The following PRH1 variants were observed in gnomAD, a reference collection of about 807,000 sequenced individuals.
PRH1 encodes salivary acidic proline-rich phosphoprotein 1/2.
PRH1 carries 7 observed loss-of-function variants against 7.9 expected under a neutral mutation model. That is an observed-to-expected ratio of 0.89 (90% CI 0.50 to 1.67). The LOEUF (loss-of-function observed/expected upper bound fraction) is 1.67, where lower values mean the gene tolerates loss of function less well. PRH1 is among the 40% of genes most tolerant of loss of function. The probability of loss-of-function intolerance (pLI) is 0.00; values close to 1 mark genes in which losing one functional copy is unlikely to be tolerated. For missense variants in PRH1, 109 were observed against 223.6 expected, an observed-to-expected ratio of 0.49 and a Z score of 3.27; for synonymous variants, 45 against 80.8, an observed-to-expected ratio of 0.56 and a Z score of 2.38.
At chr12:11,111,069 A>G (rs1291745695) in intron 1 of PRH1, among the ~76,000 whole-genome samples, 2 of 152,238 alleles carry the variant, frequency 1.3e-5, no homozygotes, top group African/African-American at 2.4e-5. Flanking sequence ...GAATTACATA[A>G]TGGTAAAGGA....
chr12:11,072,252 T>G (rs77529670), intron 1 of PRH1, among the ~76,000 whole-genome samples: 1,678 of 119,718 alleles, frequency 0.014, no homozygotes, highest in South Asian at 0.042. Flanking sequence ...CTACCAAAGT[T>G]CCGGGATTGC....
chr12:11,133,402 C>G, intron 1 of PRH1: 1 of 1,613,890 alleles, frequency 6.2e-7, no homozygotes, highest in South Asian at 1.1e-5. Flanking sequence ...TCTTGTTTCC[C>G]AAAATCAGGA....
In PRH1 at chr12:11,091,115, C is replaced by CACACACACATATATATATATATATATAT. The variant is rs751016037; in HGVS notation, n.124-43928_124-43927insATATATATATATATATATATGTGTGTGT. Among the ~76,000 whole-genome samples, 27 of 25,122 alleles carry CACACACACATATATATATATATATATAT rather than the reference C, an allele frequency of 1.1e-3. 2 individuals carry two copies. Among genetic ancestry groups the CACACACACATATATATATATATATATAT allele is most frequent in the East Asian group, 2.3e-3 (1 of 426 alleles). The allele number at this position is 25,122 out of a possible 152,430, so 16.5% of individuals were successfully genotyped here. A position where few individuals can be genotyped will look rare whatever the true frequency, so the allele number is the denominator to read the frequency against. On this transcript the variant is annotated intron_variant and non_coding_transcript_variant, in intron 1 of 4. Transcript: ENST00000541977. ...ACACAAATACACACACACACACACA[C>CACACACACATATATATATATATATATAT]ATATATATATATATATATATATATA...
chr12:11,045,423 A>C (rs1230113760), intron 1 of PRH1, among the ~76,000 whole-genome samples: 7 of 152,144 alleles, frequency 4.6e-5, no homozygotes, highest in African/African-American at 1.7e-4. Context: ...AATGACTGAA[A>C]GAGTATAACT....
At chr12:10,917,660 A>C (rs546279209) in intron 2 of PRH1, among the ~76,000 whole-genome samples, 1 of 152,254 alleles carries the variant, frequency 6.6e-6, no homozygotes, top group South Asian at 2.1e-4. Context: ...TTCACCCTAA[A>C]CTTCAATTTA....
At chr12:10,930,218 C>T (rs754210247) in intron 2 of PRH1, 34 of 1,587,186 alleles carry the variant, frequency 2.1e-5, no homozygotes, top group Admixed American at 6.7e-5. Context: ...ACTATGAGCT[C>T]TGAATGATTC....
intron 1 of PRH1, among the ~76,000 whole-genome samples, chr12:11,033,370 AC>A (rs1942307716): frequency 3.3e-5 from 3 of 89,970 alleles, no homozygotes; most frequent in African/African-American, 1.2e-4. Flanking sequence ...CTGTCAAAAA[AC>A]AAAACAAAAC....
chr12:11,013,864 G>A (rs1349390), intron 1 of PRH1, among the ~76,000 whole-genome samples: 31,952 of 152,016 alleles, frequency 0.21, 3,958 homozygotes, highest in Non-Finnish European at 0.27. Context: ...AAGTAGCTAG[G>A]ACTACAGGTG....
intron 1 of PRH1, among the ~76,000 whole-genome samples, chr12:11,090,686 T>C (rs1944850919): frequency 8.5e-6 from 1 of 118,212 alleles, no homozygotes; most frequent in South Asian, 2.3e-4. Flanking sequence ...AATTCTATTG[T>C]GTGCATTGTT....
At chr12:10,906,022 A>C (rs1949797422) in intron 2 of PRH1, among the ~76,000 whole-genome samples, 1 of 152,202 alleles carries the variant, frequency 6.6e-6, no homozygotes, top group Non-Finnish European at 1.5e-5. Flanking sequence ...ACTACAAGAG[A>C]GTTCAGAGAA....
intron 2 of PRH1, among the ~76,000 whole-genome samples, chr12:10,903,940 A>AAAAAAAAAAAAAAAAAAAAAAACAAC (rs1271332866): frequency 1.4e-5 from 2 of 144,500 alleles, no homozygotes; most frequent in African/African-American, 2.5e-5. Flanking sequence ...TCAAAAAAAA[A>AAAAAAAAAAAAAAAAAAAAAAACAAC]AAAAAAAAAA....
At chr12:10,965,749 A>G (rs1453870155) in intron 2 of PRH1, among the ~76,000 whole-genome samples, 1 of 152,234 alleles carries the variant, frequency 6.6e-6, no homozygotes, top group African/African-American at 2.4e-5. Flanking sequence ...CAGTAACTTT[A>G]GCTGTTTGTT....
chr12:11,069,192 C>T (rs1414630221), intron 1 of PRH1, among the ~76,000 whole-genome samples: 2 of 150,868 alleles, frequency 1.3e-5, no homozygotes, highest in East Asian at 1.9e-4. Flanking sequence ...TGCTCAATTA[C>T]AGGCTTGAGC....
Position 11,020,377 on chromosome 12 carries a change from T to G in PRH1, c.-126+26643A>C, listed in dbSNP as rs1391994966. Among the ~76,000 whole-genome samples the G allele has an allele frequency of 2.1e-3, 263 of 123,082 alleles. 12 individuals carry two copies. The highest frequency in any genetic ancestry group is 6.9e-3 in the African/African-American group (247 of 35,710). 80.7% of individuals were successfully genotyped at this position (123,082 alleles called of 152,430 possible). On this transcript the variant is annotated intron_variant, in intron 1 of 3. Coordinates refer to the PRH1 transcript ENST00000539853. ...GTATGATAAGCGATATATATATATA[T>G]ATATATATATATATGTCTATAGATA... is the stretch of plus-strand genomic sequence containing the variant.
At chr12:11,046,470 T>C (rs1255038701) in intron 1 of PRH1, among the ~76,000 whole-genome samples, 2 of 152,124 alleles carry the variant, frequency 1.3e-5, no homozygotes, top group East Asian at 1.9e-4. Flanking sequence ...GCTCGTGTTA[T>C]GCCAAACTCA....
chr12:11,021,427 T>C (rs1941622370), intron 1 of PRH1, among the ~76,000 whole-genome samples: 1 of 152,232 alleles, frequency 6.6e-6, no homozygotes, highest in African/African-American at 2.4e-5. Flanking sequence ...ATACTATATA[T>C]GTGAAATATA....
intron 1 of PRH1, among the ~76,000 whole-genome samples, chr12:11,040,275 A>G (rs147531388): frequency 1.3e-5 from 2 of 152,198 alleles, no homozygotes; most frequent in Non-Finnish European, 2.9e-5. Context: ...AATTGTTTCT[A>G]AGAGAGGATT....
At chr12:11,139,079 G>A (rs1394693285) in intron 1 of PRH1, among the ~76,000 whole-genome samples, 1 of 152,110 alleles carries the variant, frequency 6.6e-6, no homozygotes, top group South Asian at 2.1e-4. Flanking sequence ...GTATTTCTTA[G>A]TACCATAATG....
chr12:10,905,233 A>T (rs1217309043), intron 2 of PRH1, among the ~76,000 whole-genome samples: 7 of 151,188 alleles, frequency 4.6e-5, no homozygotes, highest in Non-Finnish European at 7.4e-5. Flanking sequence ...TTTTTGAGAC[A>T]GAGTTTCACT....
Sources: allele counts gnomAD v4.1 joint callset (sites outside exome capture counted in the v4.1 genomes callset), GRCh38; gene constraint gnomAD v4.1.1; transcripts MANE v1.5; gene names NCBI Gene and HGNC (gene_info 2026-07-23, HGNC 2026-07-21).